Variants in CASP10 observed in about 807,000 individuals in gnomAD.
CASP10 encodes the protein caspase 10, also known as caspase-10.
A neutral mutation model predicts 48.5 loss-of-function variants in CASP10; 41 were observed. That is an observed-to-expected ratio of 0.85 (90% CI 0.66 to 1.10). CASP10 has a LOEUF of 1.10. CASP10 is among the 50% of genes least tolerant of loss of function. CASP10 has a pLI of 0.00. For synonymous variants in CASP10, 232 were observed against 238.4 expected, an observed-to-expected ratio of 0.97 and a Z score of 0.25; for missense variants, 614 against 614.5, an observed-to-expected ratio of 1.00 and a Z score of 0.01.
At chr2:201,185,026 C>T (rs922097005) in intron 1 of CASP10, among the ~76,000 whole-genome samples, 1 of 152,138 alleles carries the variant, frequency 6.6e-6, no homozygotes. Context: ...GGGTCTCACT[C>T]TGTCACCCAG....
intron 7 of CASP10, among the ~76,000 whole-genome samples, chr2:201,206,536 T>C (rs1371364454): frequency 6.7e-6 from 1 of 148,210 alleles, no homozygotes; most frequent in African/African-American, 2.5e-5. Context: ...TATGAATATA[T>C]ATGTGTATAT....
At chr2:201,192,913 C>T in intron 3 of CASP10, 71 bp from the exon 4 acceptor site, 1 of 1,490,556 alleles carries the variant, frequency 6.7e-7, no homozygotes, top group Admixed American at 1.7e-5. Flanking sequence ...GCCTACTGGC[C>T]ATGCAGATAA....
chr2:201,229,390 C>A, exon 10 of CASP10: 1 of 449,730 alleles, frequency 2.2e-6, no homozygotes, highest in Non-Finnish European at 4.0e-6. Flanking sequence ...TTCACACTGT[C>A]CCCCAAACTT....
At chr2:201,229,302 C>T in exon 10 of CASP10, 1 of 588,632 alleles carries the variant, frequency 1.7e-6, no homozygotes, top group Non-Finnish European at 3.0e-6. Context: ...CTAAAATTCC[C>T]ATTTTCTTTA....
At chr2:201,197,436 G>A (rs1375447744) in intron 5 of CASP10, among the ~76,000 whole-genome samples, 4 of 152,138 alleles carry the variant, frequency 2.6e-5, no homozygotes, top group Admixed American at 6.5e-5. Flanking sequence ...CCAACATAGC[G>A]AAACCCCATC....
chr2:201,194,597 C>A (rs1386350696), intron 4 of CASP10, among the ~76,000 whole-genome samples: 1 of 152,182 alleles, frequency 6.6e-6, no homozygotes, highest in Non-Finnish European at 1.5e-5. Flanking sequence ...GAAATCCTCA[C>A]ATGAGCTCTG....
At chr2:201,214,431 G>C (rs1945503583) in intron 9 of CASP10, 1 of 152,128 alleles carries the variant, frequency 6.6e-6, no homozygotes, top group Non-Finnish European at 1.5e-5. Flanking sequence ...GCTTGCTATA[G>C]TTATAAGAGG....
At chr2:201,187,598 T>G in intron 2 of CASP10, 108 bp from the exon 3 acceptor site, 1 of 850,056 alleles carries the variant, frequency 1.2e-6, no homozygotes, top group Non-Finnish European at 2.1e-6. Context: ...TGTCTACACA[T>G]AGAGTTGATC....
At chr2:201,199,094 CACAT>C (rs41442049) in intron 5 of CASP10, among the ~76,000 whole-genome samples, 4 of 152,152 alleles carry the variant, frequency 2.6e-5, no homozygotes, top group Non-Finnish European at 4.4e-5. Context: ...TCTCCACACA[CACAT>C]AATTTTTTTC....
At chr2:201,191,268 T>G (rs941710364) in intron 3 of CASP10, among the ~76,000 whole-genome samples, 5 of 152,290 alleles carry the variant, frequency 3.3e-5, no homozygotes, top group African/African-American at 9.6e-5. Context: ...CTTGTTTTTC[T>G]CAGTATAACA....
chr2:201,200,049 G>A (rs1410661656), intron 5 of CASP10, among the ~76,000 whole-genome samples: 4 of 152,074 alleles, frequency 2.6e-5, no homozygotes, highest in Non-Finnish European at 4.4e-5. Flanking sequence ...TGTACGTTCT[G>A]GCCAGAATAT....
In CASP10 at chr2:201,218,631, G is replaced by A; in HGVS notation, c.*890G>A. Reference sequence around the variant, plus strand: ...GACCAGGTGCATTTTAAGGTTCCTTGGTGTTCAAAAACCACGTTCTTAGCC... The same window carrying A: ...GACCAGGTGCATTTTAAGGTTCCTTAGTGTTCAAAAACCACGTTCTTAGCC... On this transcript the variant is annotated 3_prime_UTR_variant, in exon 10 of 10. Coordinates refer to ENST00000286186, the MANE Select transcript of CASP10 (RefSeq NM_032977.4). 1 of 985,304 alleles carries A rather than the reference G, an allele frequency of 1.0e-6. No individual in the cohort carries two copies. The highest frequency in any genetic ancestry group is 1.7e-5 in the African/African-American group (1 of 57,286). The allele number at this position is 985,304 out of a possible 1,614,324, so 61.0% of individuals were successfully genotyped here.
At chr2:201,200,305 C>T in intron 5 of CASP10, 1 of 716,652 alleles carries the variant, frequency 1.4e-6, no homozygotes. Context: ...GATTGAGCGT[C>T]TGCTGATGAT....
At chr2:201,206,417 CAT>C (rs967176356) in intron 7 of CASP10, among the ~76,000 whole-genome samples, 4 of 151,518 alleles carry the variant, frequency 2.6e-5, no homozygotes, top group South Asian at 2.1e-4. Flanking sequence ...AATAATTGCA[CAT>C]GTTTTTAAAT....
intron 3 of CASP10, 124 bp from the exon 4 acceptor site, chr2:201,192,860 G>A (rs1050556084): frequency 2.1e-6 from 2 of 942,138 alleles, no homozygotes; most frequent in African/African-American, 3.3e-5. Context: ...AGCAACTTGA[G>A]GGCAGATGCT....
intron 4 of CASP10, 147 bp downstream of exon 4, chr2:201,193,266 G>A: frequency 5.2e-6 from 4 of 774,080 alleles, no homozygotes; most frequent in Non-Finnish European, 8.5e-6. Flanking sequence ...GGAGTGCAGT[G>A]GTGTGATCTT....
At chr2:201,189,650 G>A (rs1944538441) in intron 3 of CASP10, among the ~76,000 whole-genome samples, 1 of 152,004 alleles carries the variant, frequency 6.6e-6, no homozygotes, top group Non-Finnish European at 1.5e-5. Context: ...TTAAACTCAT[G>A]GATTTAAACA....
intron 1 of CASP10, among the ~76,000 whole-genome samples, chr2:201,184,518 T>G (rs1198374639): frequency 6.6e-6 from 1 of 152,122 alleles, no homozygotes; most frequent in Admixed American, 6.5e-5. Context: ...GAGATGGGGT[T>G]TTACCACGTT....
chr2:201,223,969 C>CTTTTT (rs1465653869), downstream of CASP10, among the ~76,000 whole-genome samples: 3 of 147,966 alleles, frequency 2.0e-5, no homozygotes, highest in Admixed American at 6.7e-5. Flanking sequence ...AAATGGAACT[C>CTTTTT]TTTTCTTTTT....
Sources: gnomAD v4.1 joint callset for allele counts (sites outside exome capture counted in the v4.1 genomes callset) on GRCh38, gnomAD v4.1.1 for gene constraint, MANE v1.5 for transcripts, NCBI Gene and HGNC (gene_info 2026-07-23, HGNC 2026-07-21) for gene names.